The following FRAS1 variants were observed in gnomAD, a reference collection of about 807,000 sequenced individuals.
The protein encoded by FRAS1 is extracellular matrix organizing protein FRAS1.
FRAS1 carries 290 observed loss-of-function variants against 435.2 expected under a neutral mutation model. That is an observed-to-expected ratio of 0.67 (90% CI 0.61 to 0.73). The LOEUF is 0.73. FRAS1 is among the 30% of genes least tolerant of loss of function. FRAS1 has a pLI of 0.00. For synonymous variants in FRAS1, 1,800 were observed against 1,851.0 expected, an observed-to-expected ratio of 0.97 and a Z score of 0.71; for missense variants, 4,860 against 5,001.5, an observed-to-expected ratio of 0.97 and a Z score of 0.85.
chr4:78,506,084 A>G (rs1470490130), intron 61 of FRAS1, among the ~76,000 whole-genome samples: 1 of 152,246 alleles, frequency 6.6e-6, no homozygotes, highest in Non-Finnish European at 1.5e-5. Flanking sequence ...CAAATATTGC[A>G]GAACGGCAAA....
intron 2 of FRAS1, among the ~76,000 whole-genome samples, chr4:78,105,808 GA>G (rs1378354642): frequency 2.1e-4 from 31 of 151,168 alleles, no homozygotes; most frequent in Admixed American, 4.0e-4. Context: ...GCAGAAGACG[GA>G]TGATTTCTGC....
intron 2 of FRAS1, among the ~76,000 whole-genome samples, chr4:78,180,547 C>T (rs1721953902): frequency 6.6e-6 from 1 of 152,132 alleles, no homozygotes; most frequent in African/African-American, 2.4e-5. Flanking sequence ...ACACTGTTCA[C>T]ACCTATATTT....
Position 78,374,249 on chromosome 4 carries a change from C to A in FRAS1, c.3149C>A (p.Thr1050Lys). 2 of 1,572,674 alleles carry A rather than the reference C, an allele frequency of 1.3e-6. No individual in the cohort carries two copies. The highest frequency in any genetic ancestry group is 1.1e-5 in the South Asian group (1 of 87,882). ...GCAGATCATGCAAAGCACAAATGCA[C>A]AGGTAACTTGGAGACTGCTGATTAT... ...YFADHAKHKC[T>K]ACPQGCLQCS... The change falls in exon 25 of 74, where the codon ACA becomes AAA. Residue 1050 changes from threonine to lysine, a missense_variant and splice_region_variant. By Grantham distance (78) the Thr-to-Lys change is moderately conservative. Transcript: ENST00000512123.
chr4:78,444,341 G>T, intron 41 of FRAS1: 1 of 192,538 alleles, frequency 5.2e-6, no homozygotes, highest in Non-Finnish European at 1.1e-5. Flanking sequence ...TTGCCTAGAG[G>T]AATAAAATCT....
intron 70 of FRAS1, among the ~76,000 whole-genome samples, chr4:78,531,291 G>T (rs1158800581): frequency 6.6e-6 from 1 of 152,088 alleles, no homozygotes; most frequent in Non-Finnish European, 1.5e-5. Flanking sequence ...GCAAACAGAG[G>T]CAATTTGACT....
chr4:78,151,148 G>A (rs560632527), intron 2 of FRAS1, among the ~76,000 whole-genome samples: 8 of 152,206 alleles, frequency 5.3e-5, no homozygotes, highest in South Asian at 2.1e-4. Flanking sequence ...AAGATATACC[G>A]TGCTCACAAA....
intron 70 of FRAS1, among the ~76,000 whole-genome samples, chr4:78,534,235 AT>A (rs1721814768): frequency 6.6e-6 from 1 of 152,202 alleles, no homozygotes; most frequent in Non-Finnish European, 1.5e-5. Flanking sequence ...AGAGTAATTA[AT>A]TATTTTTTAA....
intron 30 of FRAS1, among the ~76,000 whole-genome samples, chr4:78,402,297 T>A (rs1317087377): frequency 5.3e-5 from 8 of 152,142 alleles, no homozygotes; most frequent in African/African-American, 1.7e-4. Flanking sequence ...CAGATTTTTT[T>A]AATTATATAT....
intron 2 of FRAS1, among the ~76,000 whole-genome samples, chr4:78,139,828 A>C (rs1440954592): frequency 6.6e-6 from 1 of 152,208 alleles, no homozygotes; most frequent in East Asian, 1.9e-4. Context: ...GGTTGTCAGA[A>C]GTTATTACTT....
intron 61 of FRAS1, among the ~76,000 whole-genome samples, chr4:78,505,633 C>CT (rs1281867583): frequency 1.3e-5 from 2 of 152,096 alleles, no homozygotes; most frequent in East Asian, 1.9e-4. Flanking sequence ...TTCGTCTACC[C>CT]TTTTTTCAAG....
intron 26 of FRAS1, chr4:78,379,238 G>C (rs1275945590): frequency 6.5e-6 from 1 of 154,970 alleles, no homozygotes; most frequent in African/African-American, 2.4e-5. Context: ...AGTGAGAGTG[G>C]TGTTTGGCAG....
chr4:78,261,728 C>A (rs1287743109), intron 6 of FRAS1, among the ~76,000 whole-genome samples: 1 of 152,022 alleles, frequency 6.6e-6, no homozygotes, highest in African/African-American at 2.4e-5. Flanking sequence ...ATGCTTTTTG[C>A]CCAATGGAAT....
At chr4:78,155,903 A>T (rs1720863132) in intron 2 of FRAS1, among the ~76,000 whole-genome samples, 2 of 152,036 alleles carry the variant, frequency 1.3e-5, no homozygotes, top group South Asian at 2.1e-4. Context: ...CATCAGGGAG[A>T]TACATTTCTT....
intron 2 of FRAS1, among the ~76,000 whole-genome samples, chr4:78,184,001 C>A (rs1722167225): frequency 6.6e-6 from 1 of 152,132 alleles, no homozygotes; most frequent in East Asian, 1.9e-4. Context: ...ACGTTAGTAT[C>A]AATTGGGAGC....
chr4:78,254,176 G>A (rs1301862581), intron 5 of FRAS1, among the ~76,000 whole-genome samples: 2 of 151,904 alleles, frequency 1.3e-5, no homozygotes, highest in African/African-American at 4.8e-5. Flanking sequence ...GTGGATCTGT[G>A]TCCCCTTCCA....
At chr4:78,240,207 G>A (rs958232652) in intron 3 of FRAS1, among the ~76,000 whole-genome samples, 5 of 152,286 alleles carry the variant, frequency 3.3e-5, no homozygotes, top group Admixed American at 2.0e-4. Context: ...TTAGGTGTAA[G>A]GGTGGAATGT....
At position 78,339,181 on chromosome 4, in the gene FRAS1, C is replaced by T. The variant is rs147806395; in HGVS notation, c.2422+1364C>T. Among the ~76,000 whole-genome samples, 104 of 152,254 alleles carry T rather than the reference C, an allele frequency of 6.8e-4. 1 individual carries two copies. The Middle Eastern group carries it at 0.027, about 40-fold the overall frequency. ...GTAGTGCCCATCCCTGAAAGAGAAT[C>T]TGGGGATGGAAGGGGCTGTTATTAC... On this transcript the variant is annotated intron_variant, in intron 20 of 73. Coordinates refer to ENST00000512123, the MANE Select transcript of FRAS1 (RefSeq NM_025074.7).
At chr4:78,152,607 C>CTTTTTTTTTTTTTTTT (rs71214398) in intron 2 of FRAS1, among the ~76,000 whole-genome samples, 7 of 72,414 alleles carry the variant, frequency 9.7e-5, no homozygotes, top group East Asian at 5.5e-4. Context: ...ATGTAGGCTG[C>CTTTTTTTTTTTTTTTT]TTTTTTTTTT....
chr4:78,173,636 T>G (rs1721646355), intron 2 of FRAS1, among the ~76,000 whole-genome samples: 1 of 152,228 alleles, frequency 6.6e-6, no homozygotes, highest in Non-Finnish European at 1.5e-5. Flanking sequence ...CATACAGGTA[T>G]TTTGACTTCA....
Sources: gnomAD v4.1 joint callset for allele counts (sites outside exome capture counted in the v4.1 genomes callset) on GRCh38, gnomAD v4.1.1 for gene constraint, MANE v1.5 for transcripts, NCBI Gene and HGNC (gene_info 2026-07-23, HGNC 2026-07-21) for gene names.